PIEZO2: variants seen among roughly 807,000 people sequenced by gnomAD.
PIEZO2 encodes piezo-type mechanosensitive ion channel component 2.
Under a neutral mutation model 337.3 loss-of-function variants are expected in PIEZO2, and 172 were observed. That is an observed-to-expected ratio of 0.51 (90% CI 0.45 to 0.58). The LOEUF is 0.58. Among genes scored for constraint, PIEZO2 ranks in the 20% least tolerant of loss-of-function variants. The pLI is 0.00. For synonymous variants in PIEZO2, 1,251 were observed against 1,228.5 expected (o/e 1.02, Z -0.38); for missense variants, 3,028 against 3,391.3 (o/e 0.89, Z 2.66).
chr18:10,845,535 G>A (rs897614741), intron 7 of PIEZO2, among the ~76,000 whole-genome samples: 1 of 152,064 alleles, frequency 6.6e-6, no homozygotes, highest in African/African-American at 2.4e-5. Flanking sequence ...AAATTCCAGG[G>A]GGAACATGGA....
chr18:11,046,948 GCTCT>G (rs891875032), intron 2 of PIEZO2, among the ~76,000 whole-genome samples: 1 of 152,174 alleles, frequency 6.6e-6, no homozygotes, highest in African/African-American at 2.4e-5. Flanking sequence ...TCTTTGATAC[GCTCT>G]CTCTTACTTT....
rs1474909154 is a variant in PIEZO2, at chr18:10,855,943, T to C, written c.704-377A>G. Among the ~76,000 whole-genome samples, 1 of 152,178 alleles carries C rather than the reference T, an allele frequency of 6.6e-6. No homozygotes were observed. Among genetic ancestry groups the C allele is most frequent in the Non-Finnish European group, 1.5e-5 (1 of 68,034 alleles). Reference sequence around the variant, plus strand: ...ATGTATCTGTATGTCTGTTCCAACCTTTCCTGACACCATTTTCTTTATAAT... The same window carrying C: ...ATGTATCTGTATGTCTGTTCCAACCCTTCCTGACACCATTTTCTTTATAAT... On this transcript the variant is annotated intron_variant, in intron 6 of 55. Transcript: ENST00000674853. This position sits in a 1 kb window ranked among gnomAD's most constrained non-coding sequence, Gnocchi z 4.9.
chr18:10,851,244 G>A (rs2041543274), intron 7 of PIEZO2, among the ~76,000 whole-genome samples: 1 of 148,674 alleles, frequency 6.7e-6, no homozygotes, highest in African/African-American at 2.5e-5. Flanking sequence ...TTATGCCCTA[G>A]GATAAAGCTA....
rs1283866470 is a variant in PIEZO2 at position 11,055,842 on chromosome 18, C to T, written c.160+10285G>A. Among the ~76,000 whole-genome samples the T allele has an allele frequency of 3.9e-5, 6 of 152,292 alleles. No individual in the cohort carries two copies. In the South Asian group the frequency reaches 8.3e-4, roughly 21 times the overall value. On this transcript the variant is annotated intron_variant, in intron 2 of 55. Transcript: ENST00000674853. Reference sequence around the variant, plus strand: ...CTGGCCGAGTGTGTGCACCCTTCCCCGTTGTGTGCGCCCTTCGCTGGGTGT... The same window carrying T: ...CTGGCCGAGTGTGTGCACCCTTCCCTGTTGTGTGCGCCCTTCGCTGGGTGT...
intron 3 of PIEZO2, among the ~76,000 whole-genome samples, chr18:10,924,930 G>C (rs1023765785): frequency 1.3e-5 from 2 of 152,256 alleles, no homozygotes; most frequent in Non-Finnish European, 1.5e-5. Flanking sequence ...TAGACACTTT[G>C]ATAGTTAAAA....
intron 7 of PIEZO2, among the ~76,000 whole-genome samples, chr18:10,814,954 T>C (rs1239629880): frequency 1.3e-5 from 2 of 152,164 alleles, no homozygotes; most frequent in Admixed American, 6.5e-5. Flanking sequence ...TTTGAAGATA[T>C]AAAGCTAGCA....
intron 2 of PIEZO2, among the ~76,000 whole-genome samples, chr18:11,061,522 A>G (rs568170947): frequency 1.5e-4 from 23 of 152,360 alleles, no homozygotes; most frequent in African/African-American, 5.3e-4. Context: ...GTCTCAGCCC[A>G]CAATCTCCTT....
At chr18:11,049,759 A>G (rs1437808849) in intron 2 of PIEZO2, among the ~76,000 whole-genome samples, 4 of 152,290 alleles carry the variant, frequency 2.6e-5, no homozygotes, top group Non-Finnish European at 5.9e-5. Context: ...CCACCATGTA[A>G]GACATGCCTT....
chr18:10,948,967 G>A (rs927157441), intron 3 of PIEZO2, among the ~76,000 whole-genome samples: 6 of 152,142 alleles, frequency 3.9e-5, no homozygotes, highest in Non-Finnish European at 5.9e-5. Flanking sequence ...TTGCTTTTAT[G>A]AAAGCATGTT....
intron 13 of PIEZO2, among the ~76,000 whole-genome samples, chr18:10,792,823 T>C (rs1014998427): frequency 9.2e-5 from 14 of 152,222 alleles, no homozygotes; most frequent in Non-Finnish European, 4.4e-5. Flanking sequence ...TATGGAAATT[T>C]TATGTTTAAA....
rs2037338116 is a variant in PIEZO2, at chr18:10,744,264, T to C, written c.4425-33A>G. The C allele has an allele frequency of 3.0e-6, 4 of 1,325,242 alleles. No individual in the cohort carries two copies. The East Asian group carries it at 1.0e-4, about 33-fold the overall frequency. 82.1% of individuals were successfully genotyped at this position (1,325,242 alleles called of 1,614,324 possible). On this transcript the variant is annotated intron_variant, in intron 30 of 55. Transcript: ENST00000674853. ...GAAAGTGGAAACATGAACAAGTCAA[T>C]ATTCTTGCCATTGTTGTTCCCCTTT...
At chr18:10,685,869 G>A (rs1247652984) in intron 49 of PIEZO2, among the ~76,000 whole-genome samples, 1 of 152,144 alleles carries the variant, frequency 6.6e-6, no homozygotes, top group Non-Finnish European at 1.5e-5. Flanking sequence ...CGCAGGCTGC[G>A]GGCACGAGAT....
At position 11,097,702 on chromosome 18, in the gene PIEZO2, T is replaced by C. The variant is rs71364249; in HGVS notation, c.65-31480A>G. On this transcript the variant is annotated intron_variant, in intron 1 of 55. Transcript: ENST00000674853. This position sits in a 1 kb window ranked among gnomAD's most constrained non-coding sequence, Gnocchi z 5.0. Reference sequence around the variant, plus strand: ...GACTGTATTTTCTGTATACTTATTGTATGAACACTTGATTAGCCATTAGAA... The same window carrying C: ...GACTGTATTTTCTGTATACTTATTGCATGAACACTTGATTAGCCATTAGAA... 9.2e-5 allele frequency among the ~76,000 whole-genome samples: 14 copies of C among 152,350 alleles called. No individual in the cohort carries two copies. The highest frequency in any genetic ancestry group is 2.1e-4 in the South Asian group (1 of 4,832).
Position 10,813,718 on chromosome 18 carries a change from A to T in PIEZO2, c.918-6444T>A, listed in dbSNP as rs2040267987. Reference sequence around the variant, plus strand: ...ACATGGGTGAACAAATATCTCTTCAAGACCCTGTTTTCAATTCTTTTCTAT... The same window carrying T: ...ACATGGGTGAACAAATATCTCTTCATGACCCTGTTTTCAATTCTTTTCTAT... On this transcript the variant is annotated intron_variant, in intron 7 of 55. Coordinates refer to ENST00000674853, the MANE Select transcript of PIEZO2 (RefSeq NM_001378183.1). This position sits in a 1 kb window ranked among gnomAD's most constrained non-coding sequence, Gnocchi z 4.2. Among the ~76,000 whole-genome samples, 1 of 152,132 alleles carries T rather than the reference A, an allele frequency of 6.6e-6. No homozygotes were observed. Among genetic ancestry groups the T allele is most frequent in the Admixed American group, 6.5e-5 (1 of 15,286 alleles).
intron 3 of PIEZO2, among the ~76,000 whole-genome samples, chr18:10,974,545 A>G (rs76322984): frequency 0.015 from 2,214 of 152,312 alleles, 58 homozygotes; most frequent in African/African-American, 0.048. Context: ...AGACTTATCC[A>G]AAGTCCTAGG....
At chr18:10,946,921 GA>G (rs530755023) in intron 3 of PIEZO2, among the ~76,000 whole-genome samples, 226 of 151,102 alleles carry the variant, frequency 1.5e-3, no homozygotes, top group Non-Finnish European at 2.7e-3. Context: ...TATCTGGCAA[GA>G]ATTTTAAAGC....
intron 4 of PIEZO2, among the ~76,000 whole-genome samples, chr18:10,892,961 T>C (rs2042797817): frequency 1.3e-5 from 2 of 152,244 alleles, no homozygotes; most frequent in African/African-American, 4.8e-5. Flanking sequence ...TAAAGGTCCT[T>C]GAGCCCTTTT....
chr18:10,712,747 G>A (rs1418645042), intron 39 of PIEZO2, among the ~76,000 whole-genome samples: 9 of 152,034 alleles, frequency 5.9e-5, no homozygotes, highest in Non-Finnish European at 1.2e-4. Flanking sequence ...CATATTCTTG[G>A]GTAGAAAGAC....
At chr18:10,972,691 A>G (rs569147038) in intron 3 of PIEZO2, among the ~76,000 whole-genome samples, 102 of 152,314 alleles carry the variant, frequency 6.7e-4, no homozygotes, top group Non-Finnish European at 1.2e-3. Flanking sequence ...ATTTGGTACC[A>G]TGCAAGTTCT....
Sources: gnomAD v4.1 joint callset for allele counts (sites outside exome capture counted in the v4.1 genomes callset) on GRCh38, gnomAD v4.1.1 for gene constraint, Gnocchi (gnomAD v3.1) non-coding constraint, MANE v1.5 for transcripts, NCBI Gene and HGNC (gene_info 2026-07-23, HGNC 2026-07-21) for gene names.